Variants in HABP4 observed in about 807,000 individuals in gnomAD.
HABP4 encodes the protein intracellular hyaluronan-binding protein 4.
In HABP4, 32 loss-of-function variants were observed where a neutral mutation model predicts 44.1. That is an observed-to-expected ratio of 0.73 (90% CI 0.55 to 0.97). The LOEUF is 0.97. Among genes scored for constraint, HABP4 ranks in the 50% least tolerant of loss-of-function variants. The probability of loss-of-function intolerance (pLI) is 0.00; values close to 1 mark genes in which losing one functional copy is unlikely to be tolerated. For missense variants in HABP4, 503 were observed against 561.9 expected (o/e 0.90, Z 1.06); for synonymous variants, 216 against 218.0 (o/e 0.99, Z 0.08).
At chr9:96,485,283 T>C (rs572299969) in intron 6 of HABP4, among the ~76,000 whole-genome samples, 2 of 152,334 alleles carry the variant, frequency 1.3e-5, no homozygotes, top group African/African-American at 4.8e-5. Flanking sequence ...ACTCCCGACC[T>C]CAGGTGATCC....
At chr9:96,464,200 T>C (rs565085800) in intron 2 of HABP4, among the ~76,000 whole-genome samples, 2 of 152,228 alleles carry the variant, frequency 1.3e-5, no homozygotes, top group East Asian at 3.9e-4. Context: ...GGCATGTGTG[T>C]GCCTGACTTG....
chr9:96,473,519 G>A (rs568175009), intron 5 of HABP4, among the ~76,000 whole-genome samples: 5 of 152,018 alleles, frequency 3.3e-5, no homozygotes, highest in African/African-American at 1.2e-4. Context: ...CCTCACCTAC[G>A]CCAAGGTGGT....
In HABP4 at chr9:96,458,460, A is replaced by C. The variant is rs770335328; in HGVS notation, c.431A>C (p.Glu144Ala). The change falls in exon 2 of 8, where the codon GAG becomes GCG. Residue 144 changes from glutamate (E) to alanine (A), a missense_variant. Physicochemically the swap from Glu to Ala is moderately radical, Grantham distance 107 (BLOSUM62 -1). Transcript: ENST00000375249. Reference protein sequence around the residue: ...RGPEGMLERAERRSYREYRPY... With the variant: ...RGPEGMLERAARRSYREYRPY... ...CCGGAGGGGATGCTCGAAAGAGCTG[A>C]GCGGAGATCCTACAGGGAATACCGA... 7.4e-6 allele frequency: 12 copies of C among 1,613,290 alleles called. No individual in the cohort carries two copies. The East Asian group carries it at 2.5e-4, about 33-fold the overall frequency.
In HABP4 at chr9:96,484,620, A is replaced by C. The variant is rs1564169544; in HGVS notation, c.986A>C (p.Lys329Thr). The C allele has an allele frequency of 6.4e-7, 1 of 1,571,720 alleles. No homozygotes were observed. The highest frequency in any genetic ancestry group is 8.8e-7 in the Non-Finnish European group (1 of 1,142,374). Residue 329 changes from lysine to threonine, a missense_variant, in exon 6 of 8, where the codon AAA (lysine) becomes ACA (threonine). Lys to Thr is a moderately conservative substitution (Grantham distance 78). This residue lies in a region of HABP4 where 131 missense variants were observed against 189.8 expected (regional missense o/e 0.69). Coordinates refer to ENST00000375249, the MANE Select transcript of HABP4 (RefSeq NM_014282.4). ...PSKAVVIHKS[K>T]YRDDMVKDDY... ...AAAGCCGTGGTGATTCACAAGTCAA[A>C]ATACAGAGATGATGTAAGCATTGCA...
rs557708454 is a variant in HABP4 at position 96,475,105 on chromosome 9, G to A, written c.827+4011G>A. On this transcript the variant is annotated intron_variant, in intron 5 of 7. Coordinates refer to ENST00000375249, the MANE Select transcript of HABP4 (RefSeq NM_014282.4). ...AATAACTCTAACATTGGCCAGGCGC[G>A]GTGGCTCACACCTGTAATCCCAGCA... Among the ~76,000 whole-genome samples the A allele has an allele frequency of 2.6e-5, 4 of 152,214 alleles. No homozygotes were observed. In the South Asian group the frequency reaches 6.2e-4, roughly 24 times the overall value.
At position 96,488,272 on chromosome 9, in the gene HABP4, G is replaced by T. The variant is rs1180579744; in HGVS notation, c.1183G>T (p.Val395Leu). The T allele has an allele frequency of 6.2e-7, 1 of 1,608,394 alleles. No individual in the cohort carries two copies. Among genetic ancestry groups the T allele is most frequent in the East Asian group, 2.2e-5 (1 of 44,824 alleles). Reference protein sequence around the residue: ...AENYGPRAEVVMQDVAPNPDD... With the variant: ...AENYGPRAEVLMQDVAPNPDD... The stretch of plus-strand genomic sequence containing the variant: ...GAACTATGGACCCAGAGCAGAAGTG[G>T]TGGTAGGTGTCTGTATTGACGGTTT... Residue 395 changes from valine (V) to leucine (L), a missense_variant and splice_region_variant, in exon 7 of 8, where the codon GTG (valine) becomes TTG (leucine). By Grantham distance (32) the Val-to-Leu change is conservative. Coordinates refer to ENST00000375249, the MANE Select transcript of HABP4 (RefSeq NM_014282.4). This position sits in a 1 kb window ranked among gnomAD's most constrained non-coding sequence, Gnocchi z 4.6.
At chr9:96,461,099 A>C (rs1218918433) in intron 2 of HABP4, among the ~76,000 whole-genome samples, 1 of 152,208 alleles carries the variant, frequency 6.6e-6, no homozygotes. Context: ...CCTGAAGCCC[A>C]TGAAAGTATG....
At chr9:96,453,028 C>T (rs1359259532) in intron 1 of HABP4, among the ~76,000 whole-genome samples, 1 of 135,066 alleles carries the variant, frequency 7.4e-6, no homozygotes, top group Non-Finnish European at 1.5e-5. Flanking sequence ...TCAAGCGATT[C>T]TCCTGCCTCA....
At chr9:96,481,852 C>T (rs1276009121) in intron 5 of HABP4, among the ~76,000 whole-genome samples, 1 of 151,864 alleles carries the variant, frequency 6.6e-6, no homozygotes, top group African/African-American at 2.4e-5. Flanking sequence ...TAAAAATTGC[C>T]ATTTTTACCA....
chr9:96,474,499 C>T (rs1428737743), intron 5 of HABP4, among the ~76,000 whole-genome samples: 1 of 152,120 alleles, frequency 6.6e-6, no homozygotes, highest in Non-Finnish European at 1.5e-5. Flanking sequence ...AGCTTGTTGA[C>T]TGTCTGTCTG....
At chr9:96,473,755 C>T (rs964775196) in intron 5 of HABP4, among the ~76,000 whole-genome samples, 2 of 152,162 alleles carry the variant, frequency 1.3e-5, no homozygotes, top group African/African-American at 4.8e-5. Context: ...TCACACTTGC[C>T]ATACAGCTTT....
chr9:96,453,087 ATTTT>A (rs898977695), intron 1 of HABP4, among the ~76,000 whole-genome samples: 25 of 92,578 alleles, frequency 2.7e-4, no homozygotes, highest in Admixed American at 2.6e-3. Context: ...TGCCCGGCTA[ATTTT>A]TTTTTTTTTT....
chr9:96,462,884 T>C (rs1294139880), intron 2 of HABP4, among the ~76,000 whole-genome samples: 1 of 152,106 alleles, frequency 6.6e-6, no homozygotes, highest in Admixed American at 6.5e-5. Context: ...ATTGGGCCAT[T>C]GCACTCCAGC....
At chr9:96,451,149 G>T (rs1490838878) in intron 1 of HABP4, among the ~76,000 whole-genome samples, 3 of 152,206 alleles carry the variant, frequency 2.0e-5, no homozygotes, top group Admixed American at 6.5e-5. Context: ...TCCCCGGCGC[G>T]GTCCGGCCTG....
chr9:96,460,740 C>G (rs771260746), intron 2 of HABP4, among the ~76,000 whole-genome samples: 2 of 152,284 alleles, frequency 1.3e-5, no homozygotes, highest in African/African-American at 2.4e-5. Flanking sequence ...GATGTTTCCT[C>G]GTGGAATGAG....
rs540170669 is a variant in HABP4, at chr9:96,475,069, T to A, written c.827+3975T>A. ...CGATACCTGTGACGACTCTTTGTATTTTGTTTTAAGAATAACTCTAACATT... is the reference window on the plus strand; with the variant it reads ...CGATACCTGTGACGACTCTTTGTATATTGTTTTAAGAATAACTCTAACATT... On this transcript the variant is annotated intron_variant, in intron 5 of 7. Transcript: ENST00000375249. Among the ~76,000 whole-genome samples, 13 of 152,302 alleles carry A rather than the reference T, an allele frequency of 8.5e-5. No homozygotes were observed. In the South Asian group the frequency reaches 2.1e-3, roughly 24 times the overall value.
chr9:96,489,857 C>T (rs1471508066), intron 7 of HABP4, 125 bp from the exon 8 acceptor site: 2 of 729,020 alleles, frequency 2.7e-6, no homozygotes, highest in East Asian at 2.5e-5. Context: ...CTCTCCCCTT[C>T]CCACTGTGGG....
chr9:96,456,294 T>C (rs1418740892), intron 1 of HABP4, among the ~76,000 whole-genome samples: 1 of 152,206 alleles, frequency 6.6e-6, no homozygotes, highest in Non-Finnish European at 1.5e-5. Context: ...TTTATGTTAG[T>C]GATGTCATAA....
At chr9:96,473,514 C>T (rs1832730024) in intron 5 of HABP4, among the ~76,000 whole-genome samples, 1 of 152,212 alleles carries the variant, frequency 6.6e-6, no homozygotes, top group African/African-American at 2.4e-5. Flanking sequence ...TGCATCCTCA[C>T]CTACGCCAAG....
Sources: gnomAD v4.1 joint callset for allele counts (sites outside exome capture counted in the v4.1 genomes callset) on GRCh38, gnomAD v4.1.1 for gene constraint, gnomAD v4.1.1 regional missense constraint, Gnocchi (gnomAD v3.1) non-coding constraint, MANE v1.5 for transcripts, NCBI Gene and HGNC (gene_info 2026-07-23, HGNC 2026-07-21) for gene names.